IQGAP2: variants seen among roughly 807,000 people sequenced by gnomAD.
The protein encoded by IQGAP2 is IQ motif containing GTPase activating protein 2.
In IQGAP2, 173 loss-of-function variants were observed where a neutral mutation model predicts 201.3. That is an observed-to-expected ratio of 0.86 (90% CI 0.76 to 0.98). IQGAP2 has a LOEUF of 0.98. IQGAP2 is among the 50% of genes least tolerant of loss of function. The pLI, the probability that IQGAP2 is intolerant of heterozygous loss-of-function variation, is 0.00. For missense variants in IQGAP2, 1,687 were observed against 1,864.8 expected, an observed-to-expected ratio of 0.90 and a Z score of 1.76; for synonymous variants, 675 against 673.9, an observed-to-expected ratio of 1.00 and a Z score of -0.03.
Position 76,674,574 on chromosome 5 carries a change from A to C in IQGAP2, c.3392A>C (p.Asn1131Thr), listed in dbSNP as rs199960498. 1 of 1,614,002 alleles carries C rather than the reference A, an allele frequency of 6.2e-7. No individual in the cohort carries two copies. Among genetic ancestry groups the C allele is most frequent in the Non-Finnish European group, 8.5e-7 (1 of 1,179,878 alleles). Residue 1131 changes from asparagine to threonine, a missense_variant, in exon 27 of 36, where the codon AAT becomes ACT. Coordinates refer to ENST00000274364, the MANE Select transcript of IQGAP2 (RefSeq NM_006633.5). ...GACATGACAGCTGGAGGTCAGATAAATTCTGACCAAAGGAGAAACTTAGGA... is the reference window on the plus strand; with the variant it reads ...GACATGACAGCTGGAGGTCAGATAACTTCTGACCAAAGGAGAAACTTAGGA... ...IIDMTAGGQI[N>T]SDQRRNLGSV...
intron 1 of IQGAP2, chr5:76,404,551 G>A (rs1310981064): frequency 5.4e-6 from 5 of 922,172 alleles, no homozygotes; most frequent in Admixed American, 6.2e-5. Flanking sequence ...TTGGGTTAAG[G>A]TGGTGATACC....
intron 10 of IQGAP2, among the ~76,000 whole-genome samples, chr5:76,598,721 A>G (rs1427862168): frequency 6.6e-6 from 1 of 152,214 alleles, no homozygotes; most frequent in Non-Finnish European, 1.5e-5. Flanking sequence ...GATATGAACC[A>G]AATAGCTTTG....
At chr5:76,529,453 C>A (rs1356026746) in intron 2 of IQGAP2, among the ~76,000 whole-genome samples, 1 of 151,890 alleles carries the variant, frequency 6.6e-6, no homozygotes, top group African/African-American at 2.4e-5. Flanking sequence ...CATGGTGAAA[C>A]CCCATCTCTA....
chr5:76,705,713 G>A (rs1372673620), intron 35 of IQGAP2, among the ~76,000 whole-genome samples: 1 of 152,236 alleles, frequency 6.6e-6, no homozygotes, highest in East Asian at 1.9e-4. Context: ...TAAGTGCAGT[G>A]AGAGGTAATT....
chr5:76,533,476 A>T (rs190401783), intron 2 of IQGAP2, among the ~76,000 whole-genome samples: 74 of 151,978 alleles, frequency 4.9e-4, no homozygotes, highest in African/African-American at 1.8e-3. Flanking sequence ...TTTATTGAGC[A>T]TTTTAATTTT....
intron 1 of IQGAP2, among the ~76,000 whole-genome samples, chr5:76,422,827 GC>G (rs1257292088): frequency 6.6e-6 from 1 of 152,196 alleles, no homozygotes; most frequent in Non-Finnish European, 1.5e-5. Flanking sequence ...CACATATGAT[GC>G]TTCTATATGC....
At chr5:76,437,548 C>T (rs934201915) in intron 1 of IQGAP2, among the ~76,000 whole-genome samples, 4 of 151,996 alleles carry the variant, frequency 2.6e-5, no homozygotes, top group Non-Finnish European at 4.4e-5. Flanking sequence ...TCCCACAGGC[C>T]CCACCGTGTG....
intron 13 of IQGAP2, among the ~76,000 whole-genome samples, chr5:76,619,267 G>A (rs1300199041): frequency 2.0e-5 from 3 of 152,196 alleles, no homozygotes; most frequent in Non-Finnish European, 2.9e-5. Flanking sequence ...AAGTGCAGCT[G>A]AGAAAGGAAA....
chr5:76,671,351 A>G (rs76203074), intron 23 of IQGAP2, among the ~76,000 whole-genome samples: 3,865 of 152,314 alleles, frequency 0.025, 75 homozygotes, highest in Non-Finnish European at 0.038. Flanking sequence ...GTATAATTCC[A>G]TGAAGTCCTT....
intron 1 of IQGAP2, among the ~76,000 whole-genome samples, chr5:76,407,605 C>T (rs1246479804): frequency 6.6e-6 from 1 of 152,162 alleles, no homozygotes; most frequent in East Asian, 1.9e-4. Context: ...TTTGGTTGAG[C>T]TTTTCAAAAG....
rs184517387 is a variant in IQGAP2 at position 76,698,165 on chromosome 5, C to T, written c.4367+18C>T. 5.9e-5 allele frequency: 91 copies of T among 1,534,712 alleles called. No homozygotes were observed. In the Middle Eastern group the frequency reaches 1.0e-3, roughly 17 times the overall value. On this transcript the variant is annotated intron_variant, in intron 33 of 35. Coordinates refer to ENST00000274364, the MANE Select transcript of IQGAP2 (RefSeq NM_006633.5). ...AAAAGAAAGTAAGTTAAAATCATGT[C>T]ATGTTCATTTGTAATGTCATGATTT...
intron 2 of IQGAP2, among the ~76,000 whole-genome samples, chr5:76,491,448 T>A (rs1474072193): frequency 6.6e-6 from 1 of 152,138 alleles, no homozygotes. Context: ...TTGAGAGGTA[T>A]GCAGGATTTC....
intron 11 of IQGAP2, among the ~76,000 whole-genome samples, chr5:76,604,240 C>T (rs10051760): frequency 0.029 from 4,453 of 152,144 alleles, 119 homozygotes; most frequent in Non-Finnish European, 0.049. Context: ...TGTTTGGTTT[C>T]TGTTCCTGTT....
At chr5:76,438,862 C>A (rs4566772) in intron 1 of IQGAP2, among the ~76,000 whole-genome samples, 1 of 151,970 alleles carries the variant, frequency 6.6e-6, no homozygotes, top group East Asian at 1.9e-4. Context: ...GTTTCACTGA[C>A]GTTTTGTATT....
In IQGAP2 at chr5:76,597,470, C is replaced by T; in HGVS notation, c.939C>T (p.Val313=). The part of the protein sequence containing the change: ...RQAAVDHINA[V]IPEGDPENTL... ...CTGCAGTGGACCATATCAATGCTGT[C>T]ATTCCGGAAGGTGACCCCGAGAATA... The change falls in exon 10 of 36, where the codon GTC becomes GTT. Residue 313 remains valine, a synonymous_variant. Coordinates refer to ENST00000274364, the MANE Select transcript of IQGAP2 (RefSeq NM_006633.5). 1 of 1,614,018 alleles carries T rather than the reference C, an allele frequency of 6.2e-7. No homozygotes were observed. The highest frequency in any genetic ancestry group is 8.5e-7 in the Non-Finnish European group (1 of 1,179,978).
intron 1 of IQGAP2, among the ~76,000 whole-genome samples, chr5:76,459,256 G>C (rs1008170790): frequency 2.6e-4 from 40 of 152,138 alleles, no homozygotes; most frequent in Non-Finnish European, 5.0e-4. Context: ...CAGAGGCCGA[G>C]GGACGGGGTT....
intron 30 of IQGAP2, among the ~76,000 whole-genome samples, chr5:76,687,607 C>T (rs1406022056): frequency 6.6e-6 from 1 of 152,144 alleles, no homozygotes; most frequent in Non-Finnish European, 1.5e-5. Context: ...TACAGCTGCT[C>T]CCCATTGCTG....
intron 21 of IQGAP2, 86 bp downstream of exon 21, chr5:76,658,753 T>G (rs1373739326): frequency 1.4e-5 from 15 of 1,092,826 alleles, no homozygotes; most frequent in Non-Finnish European, 1.9e-5. Context: ...CAGGGATACA[T>G]TCTCAGAAAT....
At chr5:76,496,757 CTTTCTTTCTTTCTTTCTT>C (rs1561416489) in intron 2 of IQGAP2, among the ~76,000 whole-genome samples, 1 of 79,268 alleles carries the variant, frequency 1.3e-5, no homozygotes. Flanking sequence ...TTCTTTCTTT[CTTTCTTTCTTTCTTTCTT>C]TCTTTCTTTC....
Sources: allele counts gnomAD v4.1 joint callset (sites outside exome capture counted in the v4.1 genomes callset), GRCh38; gene constraint gnomAD v4.1.1; transcripts MANE v1.5; gene names NCBI Gene and HGNC (gene_info 2026-07-23, HGNC 2026-07-21).